Variants in CEP112 observed in about 807,000 individuals in gnomAD.
CEP112 encodes the protein centrosomal protein 112, also known as centrosomal protein of 112 kDa.
In CEP112, 127 loss-of-function variants were observed where a neutral mutation model predicts 153.0. The observed-to-expected ratio is 0.83, with a 90% CI of 0.72 to 0.96. The LOEUF (loss-of-function observed/expected upper bound fraction) is 0.96, where lower values mean the gene tolerates loss of function less well. CEP112 is among the 40% of genes least tolerant of loss of function. The pLI, the probability that CEP112 is intolerant of heterozygous loss-of-function variation, is 0.00. For missense variants in CEP112, 1,089 were observed against 1,101.2 expected (o/e 0.99, Z 0.16); for synonymous variants, 358 against 374.4 (o/e 0.96, Z 0.51).
At chr17:65,769,203 G>C (rs2053190397) in intron 21 of CEP112, among the ~76,000 whole-genome samples, 1 of 151,690 alleles carries the variant, frequency 6.6e-6, no homozygotes, top group South Asian at 2.1e-4. Flanking sequence ...AATAAAATAG[G>C]AATAAATTTA....
chr17:66,173,469 T>A (rs2072332400), intron 4 of CEP112, among the ~76,000 whole-genome samples: 2 of 152,204 alleles, frequency 1.3e-5, no homozygotes, highest in Admixed American at 1.3e-4. Context: ...TCCAGGAAGA[T>A]CACATATTTT....
chr17:66,025,045 C>A (rs910169132), intron 16 of CEP112, among the ~76,000 whole-genome samples: 1 of 152,090 alleles, frequency 6.6e-6, no homozygotes, highest in Non-Finnish European at 1.5e-5. Context: ...GGGAAGGACA[C>A]CCTTTTCAAT....
intron 12 of CEP112, among the ~76,000 whole-genome samples, chr17:66,046,653 T>C (rs1177897417): frequency 1.3e-5 from 2 of 152,166 alleles, no homozygotes; most frequent in African/African-American, 4.8e-5. Flanking sequence ...TACCTATGAG[T>C]GTGGCCTTAT....
At position 65,918,429 on chromosome 17, in the gene CEP112, A is replaced by C. The variant is rs372152693; in HGVS notation, c.1980+9153T>G. On this transcript the variant is annotated intron_variant, in intron 19 of 26. Coordinates refer to ENST00000535342, the MANE Select transcript of CEP112 (RefSeq NM_001199165.4). Reference sequence around the variant, plus strand: ...TTTTAAATAATGGCAGCTTGTAAGAAGTTGGCCCTTCAGTGTTTTTTGTTT... The same window carrying C: ...TTTTAAATAATGGCAGCTTGTAAGACGTTGGCCCTTCAGTGTTTTTTGTTT... 1.2e-4 allele frequency among the ~76,000 whole-genome samples: 18 copies of C among 152,338 alleles called. No homozygotes were observed. In the East Asian group the frequency reaches 3.3e-3, roughly 28 times the overall value.
chr17:66,027,649 T>A, intron 15 of CEP112, 89 bp from the exon 16 acceptor site: 1 of 960,206 alleles, frequency 1.0e-6, no homozygotes. Context: ...ATCAATCTAC[T>A]TAATGTCAAA....
At chr17:65,697,380 C>T (rs984571558) in intron 23 of CEP112, among the ~76,000 whole-genome samples, 1 of 152,108 alleles carries the variant, frequency 6.6e-6, no homozygotes, top group Admixed American at 6.5e-5. Context: ...ATTAACTGGG[C>T]TGATAATATT....
intron 21 of CEP112, among the ~76,000 whole-genome samples, chr17:65,759,243 G>A (rs1277854653): frequency 6.6e-6 from 1 of 152,120 alleles, no homozygotes; most frequent in African/African-American, 2.4e-5. Flanking sequence ...AACCATAAAA[G>A]TGGGCAACCA....
chr17:65,744,437 G>A (rs1043198279), intron 22 of CEP112, among the ~76,000 whole-genome samples: 4 of 151,960 alleles, frequency 2.6e-5, no homozygotes, highest in African/African-American at 7.3e-5. Context: ...TAGTAGAGAC[G>A]AGTTTCACCA....
intron 8 of CEP112, among the ~76,000 whole-genome samples, chr17:66,078,415 G>A (rs551189148): frequency 6.6e-6 from 1 of 151,740 alleles, no homozygotes; most frequent in East Asian, 1.9e-4. Flanking sequence ...GCGCCACCAC[G>A]CCCGGCTAAT....
intron 23 of CEP112, among the ~76,000 whole-genome samples, chr17:65,710,473 CATG>C (rs1174518248): frequency 6.6e-6 from 1 of 152,074 alleles, no homozygotes; most frequent in Non-Finnish European, 1.5e-5. Flanking sequence ...GGTATGAGCC[CATG>C]ATATTTGTAT....
chr17:66,136,914 T>C (rs927145248), intron 4 of CEP112, among the ~76,000 whole-genome samples: 10 of 151,898 alleles, frequency 6.6e-5, no homozygotes, highest in Non-Finnish European at 8.8e-5. Context: ...ACAAAGCCAA[T>C]CCATAAAGAC....
chr17:65,744,286 C>G (rs904464329), intron 22 of CEP112, among the ~76,000 whole-genome samples: 17 of 151,050 alleles, frequency 1.1e-4, no homozygotes, highest in Admixed American at 2.6e-4. Context: ...CGGAGTCTTG[C>G]TCTGTTACCC....
At chr17:65,891,745 C>G (rs1568179592) in intron 20 of CEP112, among the ~76,000 whole-genome samples, 1 of 152,148 alleles carries the variant, frequency 6.6e-6, no homozygotes, top group Non-Finnish European at 1.5e-5. Context: ...CTACTCCCTG[C>G]CCCCTTTCTC....
chr17:65,855,704 G>C (rs1187453079), intron 20 of CEP112, among the ~76,000 whole-genome samples: 1 of 152,170 alleles, frequency 6.6e-6, no homozygotes, highest in Non-Finnish European at 1.5e-5. Context: ...CTACCAAAAA[G>C]AGACACCTAA....
intron 21 of CEP112, among the ~76,000 whole-genome samples, chr17:65,783,390 A>G (rs1253778520): frequency 1.3e-5 from 2 of 152,218 alleles, no homozygotes; most frequent in Non-Finnish European, 1.5e-5. Flanking sequence ...AAGTTTTTCA[A>G]AAAGTTAGGC....
At chr17:65,970,219 A>G (rs1568312765) in intron 17 of CEP112, among the ~76,000 whole-genome samples, 1 of 149,640 alleles carries the variant, frequency 6.7e-6, no homozygotes, top group Non-Finnish European at 1.5e-5. Flanking sequence ...ATGCATGCAT[A>G]TACCATGCAT....
intron 16 of CEP112, among the ~76,000 whole-genome samples, chr17:66,015,572 C>A (rs186903813): frequency 6.6e-6 from 1 of 152,198 alleles, no homozygotes; most frequent in Admixed American, 6.5e-5. Flanking sequence ...GGTCACAACA[C>A]TTTGGCCTAA....
chr17:65,654,641 G>C (rs2045965274), intron 24 of CEP112, among the ~76,000 whole-genome samples: 1 of 152,164 alleles, frequency 6.6e-6, no homozygotes, highest in African/African-American at 2.4e-5. Flanking sequence ...ATGAGTGAAT[G>C]GTTCAAACCT....
chr17:65,678,193 GTTCACTGAATTCT>G lies in CEP112; in HGVS notation c.2697+10923_2697+10935del, dbSNP rs2047332912. ...TGATCTCTACTTTCTCTTTCTACCTGTTCACTGAATTCTATGAATTCAGTGCTTAGTAGCTGTC... is the reference window on the plus strand; with the variant it reads ...TGATCTCTACTTTCTCTTTCTACCTGATGAATTCAGTGCTTAGTAGCTGTC... On this transcript the variant is annotated intron_variant, in intron 24 of 26. Coordinates refer to ENST00000535342, the MANE Select transcript of CEP112 (RefSeq NM_001199165.4). Among the ~76,000 whole-genome samples, 3 of 150,888 alleles carry G rather than the reference GTTCACTGAATTCT, an allele frequency of 2.0e-5. No homozygotes were observed. In the South Asian group the frequency reaches 6.3e-4, roughly 32 times the overall value.
Sources: gnomAD v4.1 joint callset for allele counts (sites outside exome capture counted in the v4.1 genomes callset) on GRCh38, gnomAD v4.1.1 for gene constraint, MANE v1.5 for transcripts, NCBI Gene and HGNC (gene_info 2026-07-23, HGNC 2026-07-21) for gene names.